Variants in EIF3A observed in about 807,000 individuals in gnomAD.
The protein encoded by EIF3A is eukaryotic translation initiation factor 3 subunit A, also known as EIF3, p180 subunit.
Under a neutral mutation model 186.6 loss-of-function variants are expected in EIF3A, and 21 were observed. That is an observed-to-expected ratio of 0.11 (90% CI 0.08 to 0.16). The LOEUF is 0.16. EIF3A is among the 10% of genes least tolerant of loss of function. The pLI is 1.00. For synonymous variants in EIF3A, 563 were observed against 584.3 expected (o/e 0.96, Z 0.52); for missense variants, 1,306 against 1,796.3 (o/e 0.73, Z 4.93).
At chr10:119,057,090 G>T in intron 12 of EIF3A, 50 bp from the exon 13 acceptor site, 2 of 1,061,032 alleles carry the variant, frequency 1.9e-6, no homozygotes, top group Non-Finnish European at 2.8e-6. Context: ...AACAAGCAAT[G>T]CCTAACATAA....
intron 20 of EIF3A, 24 bp from the exon 21 acceptor site, chr10:119,037,333 T>C: frequency 6.2e-7 from 1 of 1,608,344 alleles, no homozygotes; most frequent in Non-Finnish European, 8.5e-7. Flanking sequence ...CAATGACAGG[T>C]CAGGTTCTTA....
chr10:119,038,403 C>T lies in EIF3A; in HGVS notation c.3563G>A (p.Ser1188Asn), dbSNP rs1848164885. The change falls in exon 20 of 22, where the codon AGC (serine) becomes AAC (asparagine). Residue 1188 changes from serine (S) to asparagine (N), a missense_variant. By Grantham distance (46) the Ser-to-Asn change is conservative. Transcript: ENST00000369144. Reference protein sequence around the residue: ...WREKEKAREESWGPPRESRPS... With the variant: ...WREKEKAREENWGPPRESRPS... ...CCTTGATTCTCGAGGTGGACCCCAG[C>T]TCTCCTCTCTGGCTTTTTCTTTCTC... 1 of 1,614,158 alleles carries T rather than the reference C, an allele frequency of 6.2e-7. No homozygotes were observed. The highest frequency in any genetic ancestry group is 8.5e-7 in the Non-Finnish European group (1 of 1,180,024).
chr10:119,059,053 A>T (rs1405561558), intron 11 of EIF3A, among the ~76,000 whole-genome samples, 159 bp downstream of exon 11: 1 of 152,210 alleles, frequency 6.6e-6, no homozygotes, highest in Non-Finnish European at 1.5e-5. Context: ...TGATTTGTGT[A>T]TTTGATCAAA....
At position 119,049,688 on chromosome 10, in the gene EIF3A, T is replaced by A. The variant is rs185008872; in HGVS notation, c.2658+113A>T. 2.1e-5 allele frequency: 18 copies of A among 858,542 alleles called. No individual in the cohort carries two copies. The South Asian group carries it at 2.7e-4, about 13-fold the overall frequency. The allele number at this position is 858,542 out of a possible 1,614,324, so 53.2% of individuals were successfully genotyped here. A position where few individuals can be genotyped will look rare whatever the true frequency, so the allele number is the denominator to read the frequency against. On this transcript the variant is annotated intron_variant, in intron 17 of 21. Transcript: ENST00000369144. Reference sequence around the variant, plus strand: ...AATCACTTGAACCCGGGGGCTGAGATTGCACCACTGTACTCCAGCCTGGGC... The same window carrying A: ...AATCACTTGAACCCGGGGGCTGAGAATGCACCACTGTACTCCAGCCTGGGC...
rs1843792687 is a variant in EIF3A, at chr10:119,056,885, A to T, written c.2083-32T>A. On this transcript the variant is annotated intron_variant, in intron 13 of 21. Transcript: ENST00000369144. Reference sequence around the variant, plus strand: ...GACACGAAAACACACGTAGTTTTAAAAAATCTCTCTTAACTTGGTATGTTA... The same window carrying T: ...GACACGAAAACACACGTAGTTTTAATAAATCTCTCTTAACTTGGTATGTTA... 2.5e-6 allele frequency: 4 copies of T among 1,597,004 alleles called. No homozygotes were observed. The Admixed American group carries it at 6.7e-5, about 27-fold the overall frequency.
At chr10:119,062,442 G>A (rs1843903489) in intron 7 of EIF3A, among the ~76,000 whole-genome samples, 1 of 152,130 alleles carries the variant, frequency 6.6e-6, no homozygotes. Context: ...GAAGCCTAAC[G>A]CTCAGGTATT....
At chr10:119,059,510 T>C (rs921456759) in intron 10 of EIF3A, 92 bp downstream of exon 10, 38 of 1,294,622 alleles carry the variant, frequency 2.9e-5, no homozygotes, top group Non-Finnish European at 3.2e-5. Flanking sequence ...AACTTTAAAA[T>C]GGTATCACTG....
intron 1 of EIF3A, 80 bp downstream of exon 1, chr10:119,080,548 G>A (rs929556110): frequency 4.7e-6 from 7 of 1,487,662 alleles, no homozygotes; most frequent in Non-Finnish European, 6.2e-6. Flanking sequence ...GGGCGGCGGA[G>A]CAGTGGGAAG....
intron 20 of EIF3A, among the ~76,000 whole-genome samples, chr10:119,037,811 G>A (rs142646616): frequency 3.5e-4 from 53 of 151,772 alleles, no homozygotes; most frequent in African/African-American, 9.7e-4. Context: ...GCAACGGACT[G>A]ACAAAGATGG....
rs374381758 is a variant in EIF3A at position 119,080,704 on chromosome 10, G to C, written c.-28C>G. On this transcript the variant is annotated 5_prime_UTR_variant, in exon 1 of 22. Coordinates refer to ENST00000369144, the MANE Select transcript of EIF3A (RefSeq NM_003750.4). ...TGGCGGCAGGCTCAGCTCACCCGGC[G>C]TCAGCGAACTCTCTAGTGGCCCGGG... 6.3e-7 allele frequency: 1 copy of C among 1,580,410 alleles called. No homozygotes were observed. Among genetic ancestry groups the C allele is most frequent in the African/African-American group, 1.4e-5 (1 of 72,966 alleles).
intron 8 of EIF3A, 67 bp from the exon 9 acceptor site, chr10:119,060,911 C>A: frequency 9.2e-7 from 1 of 1,092,082 alleles, no homozygotes. Flanking sequence ...ACATCTAAAA[C>A]TCTTTTTTTT....
chr10:119,063,528 A>T (rs972709226), intron 7 of EIF3A, among the ~76,000 whole-genome samples: 1 of 152,162 alleles, frequency 6.6e-6, no homozygotes, highest in Non-Finnish European at 1.5e-5. Context: ...TTATTGCTCT[A>T]TTCATGAATT....
At chr10:119,053,869 C>A (rs1848391228) in intron 14 of EIF3A, among the ~76,000 whole-genome samples, 1 of 152,220 alleles carries the variant, frequency 6.6e-6, no homozygotes, top group African/African-American at 2.4e-5. Flanking sequence ...TTCCTTAAAC[C>A]TTATGAACCA....
rs1848219146 is a variant in EIF3A, at chr10:119,042,290, C to T, written c.3230G>A (p.Arg1077Gln). 2.5e-6 allele frequency: 4 copies of T among 1,613,204 alleles called. No homozygotes were observed. Among genetic ancestry groups the T allele is most frequent in the African/African-American group, 2.7e-5 (2 of 74,738 alleles). The part of the protein sequence containing the change: ...RGPRRGLDDD[R>Q]GPRRGMDDDR... The stretch of plus-strand genomic sequence containing the variant: ...ATCATCCATGCCTCGCCTGGGACCC[C>T]GATCATCATCCAACCCTCGCCTGGG... Residue 1077 changes from arginine to glutamine, a missense_variant, in exon 19 of 22, where the codon CGG becomes CAG. Arg to Gln is a conservative substitution (Grantham distance 43). Around this residue, in one of 8 missense-constraint regions of EIF3A, gnomAD observed 27 missense variants for 64.8 expected, o/e 0.42. Coordinates refer to ENST00000369144, the MANE Select transcript of EIF3A (RefSeq NM_003750.4). This position sits in a 1 kb window ranked among gnomAD's most constrained non-coding sequence, Gnocchi z 7.8.
At position 119,060,787 on chromosome 10, in the gene EIF3A, G is replaced by A. The variant is rs768601430; in HGVS notation, c.1285C>T (p.Pro429Ser). 1 of 1,612,050 alleles carries A rather than the reference G, an allele frequency of 6.2e-7. No individual in the cohort carries two copies. The highest frequency in any genetic ancestry group is 1.1e-5 in the South Asian group (1 of 90,664). Residue 429 changes from proline to serine, a missense_variant, in exon 9 of 22, where the codon CCA becomes TCA. This residue lies in a region of EIF3A where 267 missense variants were observed against 367.8 expected (regional missense o/e 0.73). Coordinates refer to ENST00000369144, the MANE Select transcript of EIF3A (RefSeq NM_003750.4). ...AGGATGGTGTTGTTTTGCAGTTGTG[G>A]CACATACTGCTGCAATTCCGGTTCC... ...EKEPELQQYVPQLQNNTILRL... is the reference protein window; with the variant it reads ...EKEPELQQYVSQLQNNTILRL...
intron 14 of EIF3A, among the ~76,000 whole-genome samples, chr10:119,053,405 G>A (rs959478905): frequency 3.3e-5 from 5 of 151,780 alleles, no homozygotes; most frequent in African/African-American, 1.2e-4. Flanking sequence ...ACAGAAGGTC[G>A]TTTCATCTAC....
chr10:119,046,022 G>A (rs1274966089), intron 17 of EIF3A, among the ~76,000 whole-genome samples: 2 of 152,176 alleles, frequency 1.3e-5, no homozygotes, highest in African/African-American at 2.4e-5. Flanking sequence ...AGAGAAAAAG[G>A]AGAAAAGTTT....
chr10:119,062,724 T>A (rs1441341102), intron 7 of EIF3A, among the ~76,000 whole-genome samples: 2 of 149,964 alleles, frequency 1.3e-5, no homozygotes, highest in East Asian at 4.0e-4. Flanking sequence ...GTATATTAAA[T>A]CTAAGTCTAA....
chr10:119,055,017 C>A (rs1361730188), intron 14 of EIF3A, among the ~76,000 whole-genome samples: 5 of 152,104 alleles, frequency 3.3e-5, no homozygotes, highest in African/African-American at 1.2e-4. Context: ...CAAGACCAGC[C>A]CAGCCAACAC....
Sources: allele counts gnomAD v4.1 joint callset (sites outside exome capture counted in the v4.1 genomes callset), GRCh38; gene constraint gnomAD v4.1.1; regional missense constraint gnomAD v4.1.1; non-coding constraint Gnocchi (gnomAD v3.1); transcripts MANE v1.5; gene names NCBI Gene and HGNC (gene_info 2026-07-23, HGNC 2026-07-21).